The following SHANK1 variants were observed in gnomAD, a reference collection of about 807,000 sequenced individuals.
The protein encoded by SHANK1 is SH3 and multiple ankyrin repeat domains 1, also known as SH3 and multiple ankyrin repeat domains protein 1.
SHANK1 carries 35 observed loss-of-function variants against 165.6 expected under a neutral mutation model. The observed-to-expected ratio is 0.21, with a 90% CI of 0.16 to 0.28. The LOEUF (loss-of-function observed/expected upper bound fraction) is 0.28, where lower values mean the gene tolerates loss of function less well. Among genes scored for constraint, SHANK1 ranks in the 10% least tolerant of loss-of-function variants. SHANK1 has a pLI of 1.00. For missense variants in SHANK1, 2,681 were observed against 3,036.4 expected (o/e 0.88, Z 2.75); for synonymous variants, 1,428 against 1,384.8 (o/e 1.03, Z -0.69).
chr19:50,691,421 A>C (rs8107373), intron 15 of SHANK1, among the ~76,000 whole-genome samples: 5,577 of 151,916 alleles, frequency 0.037, 341 homozygotes, highest in African/African-American at 0.13. Flanking sequence ...CTCATGCCAC[A>C]AACCCCTCCC....
chr19:50,707,898 TTTCTTTTCTTTTCTTTTCTTTTCTTTTC>T lies in SHANK1; in HGVS notation c.1078-3412_1078-3385del, dbSNP rs2088961661. Among the ~76,000 whole-genome samples, 5 of 18,786 alleles carry T rather than the reference TTTCTTTTCTTTTCTTTTCTTTTCTTTTC, an allele frequency of 2.7e-4. No individual in the cohort carries two copies. In the South Asian group the frequency reaches 3.3e-3, roughly 12 times the overall value. 12.3% of individuals were successfully genotyped at this position (18,786 alleles called of 152,430 possible). On this transcript the variant is annotated intron_variant, in intron 8 of 23. Transcript: ENST00000293441. ...GTGTTTTTCTTTTCTTTTCTTTTCT[TTTCTTTTCTTTTCTTTTCTTTTCTTTTC>T]TTTTCTTTTCTTTTCTTTTCTTTTC...
chr19:50,716,305 C>T lies in SHANK1; in HGVS notation c.429G>A (p.Gln143=). 1 of 1,614,144 alleles carries T rather than the reference C, an allele frequency of 6.2e-7. No individual in the cohort carries two copies. The highest frequency in any genetic ancestry group is 2.2e-5 in the East Asian group (1 of 44,866). The change falls in exon 3 of 24, where the codon CAG becomes CAA. Residue 143 remains glutamine, a synonymous_variant. Transcript: ENST00000293441. This position sits in a 1 kb window ranked among gnomAD's most constrained non-coding sequence, Gnocchi z 8.4. ...GGTAGGGGACCCCCTTCTCAAAGGA[C>T]TGGGGGTACTCCCGCAGCAGCCTCT... ...EEERLLREYP[Q]SFEKGVPYLE...
Position 50,686,205 on chromosome 19 carries a change from CT to C in SHANK1, c.2577+31del, listed in dbSNP as rs3214556. On this transcript the variant is annotated intron_variant, in intron 21 of 23. Transcript: ENST00000293441. The surrounding 1 kb of genome is among the most constrained non-coding windows in gnomAD (Gnocchi z 5.7). The stretch of plus-strand genomic sequence containing the variant: ...GGTTGGTGTGTGAACCGCCTCCCCC[CT>C]GGCAGTTCCTCCCCACACCAGGCCG... 14 of 1,333,470 alleles carry C rather than the reference CT, an allele frequency of 1.0e-5. No homozygotes were observed. The East Asian group carries it at 2.4e-4, about 23-fold the overall frequency. 82.6% of individuals were successfully genotyped at this position (1,333,470 alleles called of 1,614,324 possible).
In SHANK1 at chr19:50,702,730, C is replaced by T. The variant is rs1986965028; in HGVS notation, c.1554-70G>A. 2 of 861,204 alleles carry T rather than the reference C, an allele frequency of 2.3e-6. No homozygotes were observed. The highest frequency in any genetic ancestry group is 1.7e-5 in the African/African-American group (1 of 58,104). 53.3% of individuals were successfully genotyped at this position (861,204 alleles called of 1,614,324 possible). A position where few individuals can be genotyped will look rare whatever the true frequency, so the allele number is the denominator to read the frequency against. On this transcript the variant is annotated intron_variant, in intron 11 of 23. Transcript: ENST00000293441. This position sits in a 1 kb window ranked among gnomAD's most constrained non-coding sequence, Gnocchi z 5.3. ...GGACACCTCTGGGAGGACAGGGGTC[C>T]TTGGGTGGGGGAAGAGGACGGTGCA...
chr19:50,718,149 A>G lies in SHANK1; in HGVS notation c.-43-1187T>C, dbSNP rs919046991. 6.6e-6 allele frequency among the ~76,000 whole-genome samples: 1 copy of G among 152,086 alleles called. No homozygotes were observed. The highest frequency in any genetic ancestry group is 1.5e-5 in the Non-Finnish European group (1 of 68,008). On this transcript the variant is annotated intron_variant, in intron 1 of 23. Coordinates refer to ENST00000293441, the MANE Select transcript of SHANK1 (RefSeq NM_016148.5). This position sits in a 1 kb window ranked among gnomAD's most constrained non-coding sequence, Gnocchi z 5.1. ...GGGCTGGGGGGTTGGGAAAGGGAAG[A>G]CTAAATGTGTGTGGTGGGAGGAGAG...
rs1364976025 is a variant in SHANK1, at chr19:50,716,911, G to C, written c.9C>G (p.His3Gln). The change falls in exon 2 of 24, where the codon CAC becomes CAG. Residue 3 changes from histidine (H) to glutamine (Q), a missense_variant. Coordinates refer to ENST00000293441, the MANE Select transcript of SHANK1 (RefSeq NM_016148.5). The surrounding 1 kb of genome is among the most constrained non-coding windows in gnomAD (Gnocchi z 8.4). ...CCTCGTCCTCGCTTGTCGCGGGGCT[G>C]TGGGTCATTGTGGGGCCACGGGGCG... MT[H>Q]SPATSEDEER... 2 of 1,437,884 alleles carry C rather than the reference G, an allele frequency of 1.4e-6. No homozygotes were observed. The highest frequency in any genetic ancestry group is 1.8e-6 in the Non-Finnish European group (2 of 1,094,378). The allele number at this position is 1,437,884 out of a possible 1,614,324, so 89.1% of individuals were successfully genotyped here.
chr19:50,685,968 C>T (rs939577714), intron 21 of SHANK1, among the ~76,000 whole-genome samples: 2 of 151,742 alleles, frequency 1.3e-5, no homozygotes, highest in South Asian at 2.1e-4. Flanking sequence ...CAGAGGGACA[C>T]AAAGAGGCGG....
intron 18 of SHANK1, 86 bp downstream of exon 18, chr19:50,687,837 C>T (rs559151016): frequency 1.9e-5 from 30 of 1,558,958 alleles, no homozygotes; most frequent in Admixed American, 1.2e-4. Context: ...AAGGGAAGGC[C>T]TTGGGCAGCA....
Position 50,689,297 on chromosome 19 carries a change from GAAA to G in SHANK1, c.1965-21_1965-19del. ...TGTAATCGCTGGCAGGGAGGCAGGA[GAAA>G]TGGGGGGGTGGTGGGGGGAGTGGAG... On this transcript the variant is annotated intron_variant, in intron 15 of 23. Transcript: ENST00000293441. The G allele has an allele frequency of 7.3e-7, 1 of 1,361,028 alleles. No homozygotes were observed. The highest frequency in any genetic ancestry group is 1.1e-6 in the Non-Finnish European group (1 of 950,820). 84.3% of individuals were successfully genotyped at this position (1,361,028 alleles called of 1,614,324 possible). A position where few individuals can be genotyped will look rare whatever the true frequency, so the allele number is the denominator to read the frequency against.
chr19:50,695,530 C>A (rs1986711848), intron 15 of SHANK1, among the ~76,000 whole-genome samples: 1 of 151,648 alleles, frequency 6.6e-6, no homozygotes, highest in South Asian at 2.1e-4. Flanking sequence ...CCTTAATCCC[C>A]CTCCCCCCTC....
rs575557551 is a variant in SHANK1 at position 50,698,585 on chromosome 19, T to C, written c.1748-629A>G. Among the ~76,000 whole-genome samples the C allele has an allele frequency of 1.0e-3, 147 of 145,488 alleles. 1 individual carries two copies. The South Asian group carries it at 0.011, about 11-fold the overall frequency. On this transcript the variant is annotated intron_variant, in intron 12 of 23. Transcript: ENST00000293441. ...AGACTGCCTGTTACATGCCTGCTGCTGAAAAACAGAGATATATGACAAGAA... is the reference window on the plus strand; with the variant it reads ...AGACTGCCTGTTACATGCCTGCTGCCGAAAAACAGAGATATATGACAAGAA...
intron 8 of SHANK1, among the ~76,000 whole-genome samples, chr19:50,705,746 C>T (rs1321862667): frequency 1.3e-5 from 2 of 152,204 alleles, no homozygotes; most frequent in Admixed American, 6.5e-5. Flanking sequence ...GGAGGCTTAC[C>T]ATGTTACGTG....
chr19:50,671,980 T>C (rs1165682699), intron 22 of SHANK1, 38 bp downstream of exon 22: 11 of 1,492,122 alleles, frequency 7.4e-6, no homozygotes, highest in Non-Finnish European at 1.0e-5. Flanking sequence ...GTTCCTGGCC[T>C]CCCCCAGCCC....
In SHANK1 at chr19:50,686,296, C is replaced by G. The variant is rs771437817; in HGVS notation, c.2518G>C (p.Gly840Arg). The G allele has an allele frequency of 6.2e-7, 1 of 1,607,928 alleles. No individual in the cohort carries two copies. Among genetic ancestry groups the G allele is most frequent in the Non-Finnish European group, 8.5e-7 (1 of 1,176,826 alleles). ...CCCAGGGACGCGAGGCCACCGGGACCAGGGCTTTCGCTTGCACTGATGGTC... is the reference window on the plus strand; with the variant it reads ...CCCAGGGACGCGAGGCCACCGGGACGAGGGCTTTCGCTTGCACTGATGGTC... Reference protein sequence around the residue: ...QQTISASESPGPGGLASLGKH... With the variant: ...QQTISASESPRPGGLASLGKH... Residue 840 changes from glycine to arginine, a missense_variant, in exon 21 of 24, where the codon GGT (glycine) becomes CGT (arginine). Gly to Arg is a moderately radical substitution (Grantham distance 125, BLOSUM62 -2). This residue lies in a region of SHANK1 where 206 missense variants were observed against 216.0 expected (regional missense o/e 0.95). Coordinates refer to ENST00000293441, the MANE Select transcript of SHANK1 (RefSeq NM_016148.5). The surrounding 1 kb of genome is among the most constrained non-coding windows in gnomAD (Gnocchi z 5.7).
chr19:50,664,166 C>T (rs1242132181), intron 23 of SHANK1, among the ~76,000 whole-genome samples: 2 of 151,070 alleles, frequency 1.3e-5, no homozygotes, highest in Admixed American at 6.6e-5. Flanking sequence ...TTAAGTTGCC[C>T]CAAATATACA....
Position 50,668,798 on chromosome 19 carries a change from C to G in SHANK1, c.3162G>C (p.Gly1054=), listed in dbSNP as rs2123084930. 4 of 1,270,738 alleles carry G rather than the reference C, an allele frequency of 3.1e-6. No homozygotes were observed. The Admixed American group carries it at 1.2e-4, about 39-fold the overall frequency. The allele number at this position is 1,270,738 out of a possible 1,614,324, so 78.7% of individuals were successfully genotyped here. A position where few individuals can be genotyped will look rare whatever the true frequency, so the allele number is the denominator to read the frequency against. Residue 1054 remains glycine (G), a synonymous_variant, in exon 23 of 24, where the codon GGG becomes GGC. Transcript: ENST00000293441. ...QPSLRGWRGG[G]PSPTPGAPSP... ...ACGGGGCCCCCGGGGTCGGGCTGGGCCCGCCGCCCCTCCAGCCTCGCAGGC... is the reference window on the plus strand; with the variant it reads ...ACGGGGCCCCCGGGGTCGGGCTGGGGCCGCCGCCCCTCCAGCCTCGCAGGC...
chr19:50,688,238 C>T lies in SHANK1; in HGVS notation c.2173-180G>A, dbSNP rs568427504. On this transcript the variant is annotated intron_variant, in intron 17 of 23. Coordinates refer to ENST00000293441, the MANE Select transcript of SHANK1 (RefSeq NM_016148.5). This position sits in a 1 kb window ranked among gnomAD's most constrained non-coding sequence, Gnocchi z 6.7. The stretch of plus-strand genomic sequence containing the variant: ...TGGGCAAGCCCCCTTTCCCACCCTC[C>T]CTGGCCCCAGGGTTGGGGGAGAGGC... Among the ~76,000 whole-genome samples, 1 of 152,320 alleles carries T rather than the reference C, an allele frequency of 6.6e-6. No homozygotes were observed. The highest frequency in any genetic ancestry group is 2.1e-4 in the South Asian group (1 of 4,830).
chr19:50,667,318 G>C lies in SHANK1; in HGVS notation c.4642C>G (p.Pro1548Ala), dbSNP rs866083178. The part of the protein sequence containing the change: ...EENGLPLLVL[P>A]PPAPSVDVED... The stretch of plus-strand genomic sequence containing the variant: ...ACATCCACCGAGGGGGCGGGAGGCG[G>C]CAGGACCAGCAGGGGCAGCCCGTTC... The change falls in exon 23 of 24, where the codon CCG (proline) becomes GCG (alanine). Residue 1548 changes from proline (P) to alanine (A), a missense_variant. This residue lies in a region of SHANK1 where 1,713 missense variants were observed against 1,630.2 expected (regional missense o/e 1.05). Coordinates refer to ENST00000293441, the MANE Select transcript of SHANK1 (RefSeq NM_016148.5). This position sits in a 1 kb window ranked among gnomAD's most constrained non-coding sequence, Gnocchi z 5.7. 1.9e-6 allele frequency: 3 copies of C among 1,584,618 alleles called. No homozygotes were observed. Among genetic ancestry groups the C allele is most frequent in the Non-Finnish European group, 2.6e-6 (3 of 1,172,152 alleles).
At chr19:50,674,612 T>G (rs1985915525) in intron 21 of SHANK1, among the ~76,000 whole-genome samples, 1 of 152,100 alleles carries the variant, frequency 6.6e-6, no homozygotes, top group South Asian at 2.1e-4. Flanking sequence ...AGGCCTGCAG[T>G]GCCCCCCTAG....
Sources: allele counts gnomAD v4.1 joint callset (sites outside exome capture counted in the v4.1 genomes callset), GRCh38; gene constraint gnomAD v4.1.1; regional missense constraint gnomAD v4.1.1; non-coding constraint Gnocchi (gnomAD v3.1); transcripts MANE v1.5; gene names NCBI Gene and HGNC (gene_info 2026-07-23, HGNC 2026-07-21).